NRXN3: variants seen among roughly 807,000 people sequenced by gnomAD.
NRXN3 encodes neurexin III.
Under a neutral mutation model 137.6 loss-of-function variants are expected in NRXN3, and 32 were observed. That is an observed-to-expected ratio of 0.23 (90% CI 0.18 to 0.31). The LOEUF (loss-of-function observed/expected upper bound fraction) is 0.31, where lower values mean the gene tolerates loss of function less well. NRXN3 is among the 10% of genes least tolerant of loss of function. The pLI, the probability that NRXN3 is intolerant of heterozygous loss-of-function variation, is 1.00. For synonymous variants in NRXN3, 798 were observed against 784.5 expected, an observed-to-expected ratio of 1.02 and a Z score of -0.29; for missense variants, 1,574 against 2,062.5, an observed-to-expected ratio of 0.76 and a Z score of 4.59.
At chr14:79,589,521 A>G (rs1032930490) in intron 16 of NRXN3, among the ~76,000 whole-genome samples, 8 of 142,298 alleles carry the variant, frequency 5.6e-5, no homozygotes, top group African/African-American at 2.2e-4. Flanking sequence ...AATAATGAAC[A>G]CTTAAGAGAG....
At chr14:78,627,875 G>A (rs1158229250) in intron 4 of NRXN3, among the ~76,000 whole-genome samples, 3 of 152,096 alleles carry the variant, frequency 2.0e-5, no homozygotes, top group Admixed American at 6.6e-5. Context: ...CTTGGACATG[G>A]CTATGAAAAC....
At chr14:79,318,802 C>T (rs1281811842) in intron 15 of NRXN3, among the ~76,000 whole-genome samples, 1 of 152,092 alleles carries the variant, frequency 6.6e-6, no homozygotes, top group Non-Finnish European at 1.5e-5. Context: ...TGATTATTCA[C>T]CAGGGAACAT....
At chr14:78,625,714 G>A (rs1469383635) in intron 4 of NRXN3, among the ~76,000 whole-genome samples, 1 of 152,216 alleles carries the variant, frequency 6.6e-6, no homozygotes, top group Non-Finnish European at 1.5e-5. Flanking sequence ...CACATCCTCA[G>A]AACTTCCCCA....
intron 15 of NRXN3, among the ~76,000 whole-genome samples, chr14:79,192,546 A>C (rs2064511110): frequency 6.6e-6 from 1 of 152,104 alleles, no homozygotes; most frequent in Admixed American, 6.5e-5. Flanking sequence ...TTAACCTCAA[A>C]TCCAGCACAG....
chr14:79,643,737 C>T (rs1468037545), intron 16 of NRXN3, among the ~76,000 whole-genome samples: 2 of 135,252 alleles, frequency 1.5e-5, no homozygotes, highest in African/African-American at 4.9e-5. Context: ...ATTTCCTCAA[C>T]CTTATTTCTG....
chr14:79,717,972 T>G (rs2098829382), intron 19 of NRXN3, among the ~76,000 whole-genome samples: 1 of 152,096 alleles, frequency 6.6e-6, no homozygotes, highest in Non-Finnish European at 1.5e-5. Flanking sequence ...GAGGCTGCAA[T>G]GAAAATACAA....
intron 19 of NRXN3, among the ~76,000 whole-genome samples, chr14:79,704,257 G>T (rs755780576): frequency 6.6e-6 from 1 of 152,162 alleles, no homozygotes; most frequent in African/African-American, 2.4e-5. Context: ...ACAGCATGTT[G>T]TTATCAATGG....
At chr14:78,697,572 G>A (rs550712563) in intron 6 of NRXN3, among the ~76,000 whole-genome samples, 2 of 151,976 alleles carry the variant, frequency 1.3e-5, no homozygotes, top group South Asian at 4.2e-4. Context: ...TGGTGATCTA[G>A]GTCTCTGCAG....
intron 15 of NRXN3, among the ~76,000 whole-genome samples, chr14:79,166,198 C>G (rs1178153198): frequency 6.6e-6 from 1 of 151,952 alleles, no homozygotes; most frequent in Non-Finnish European, 1.5e-5. Flanking sequence ...GCTAGGTGGT[C>G]TGAAATCTTC....
chr14:79,225,859 G>T (rs1415703899), intron 15 of NRXN3, among the ~76,000 whole-genome samples: 1 of 151,982 alleles, frequency 6.6e-6, no homozygotes, highest in East Asian at 1.9e-4. Context: ...AGGGCCATTG[G>T]CAGCTTCTAG....
chr14:78,513,749 A>G (rs889527642), intron 4 of NRXN3, among the ~76,000 whole-genome samples: 1 of 152,140 alleles, frequency 6.6e-6, no homozygotes, highest in African/African-American at 2.4e-5. Flanking sequence ...ACCAAACCCC[A>G]TCCCAAATAC....
chr14:79,241,354 C>G (rs768333553), intron 15 of NRXN3, among the ~76,000 whole-genome samples: 6 of 152,110 alleles, frequency 3.9e-5, no homozygotes, highest in Non-Finnish European at 7.4e-5. Flanking sequence ...GACTGGGTAA[C>G]TTATAAAGGA....
intron 15 of NRXN3, among the ~76,000 whole-genome samples, chr14:79,098,201 T>C (rs183091494): frequency 4.7e-4 from 71 of 152,290 alleles, no homozygotes; most frequent in Admixed American, 1.1e-3. Flanking sequence ...ATATACCCCG[T>C]CTTAGCCAAT....
At chr14:79,055,310 A>G (rs2152611000) in intron 15 of NRXN3, among the ~76,000 whole-genome samples, 1 of 152,354 alleles carries the variant, frequency 6.6e-6, no homozygotes, top group African/African-American at 2.4e-5. Context: ...GGATTGGGCA[A>G]GTGGCAGTAT....
At chr14:78,758,107 T>G (rs1320231748) in intron 8 of NRXN3, among the ~76,000 whole-genome samples, 1 of 152,164 alleles carries the variant, frequency 6.6e-6, no homozygotes, top group Non-Finnish European at 1.5e-5. Flanking sequence ...ATAAGGGCTG[T>G]GCAAAATGAA....
intron 19 of NRXN3, among the ~76,000 whole-genome samples, chr14:79,789,590 C>A (rs1347575213): frequency 3.3e-5 from 5 of 152,120 alleles, no homozygotes; most frequent in Admixed American, 6.6e-5. Flanking sequence ...CATGCCTCCC[C>A]TTTTTAGACC....
chr14:79,702,843 A>G (rs752311221), intron 19 of NRXN3, among the ~76,000 whole-genome samples: 4 of 151,288 alleles, frequency 2.6e-5, no homozygotes, highest in Non-Finnish European at 5.9e-5. Flanking sequence ...TCTACACTCA[A>G]ATTCGTTGGT....
intron 19 of NRXN3, among the ~76,000 whole-genome samples, chr14:79,747,263 A>T (rs950005860): frequency 6.6e-6 from 1 of 152,132 alleles, no homozygotes; most frequent in Non-Finnish European, 1.5e-5. Flanking sequence ...GCACTCTGCC[A>T]CTAGGATTTT....
At chr14:79,387,043 C>G (rs1179929430) in intron 15 of NRXN3, among the ~76,000 whole-genome samples, 3 of 152,052 alleles carry the variant, frequency 2.0e-5, no homozygotes, top group Non-Finnish European at 4.4e-5. Flanking sequence ...TAGGCATGGG[C>G]AAGGACTTCA....
Sources: allele counts gnomAD v4.1 joint callset (sites outside exome capture counted in the v4.1 genomes callset), GRCh38; gene constraint gnomAD v4.1.1; transcripts MANE v1.5; gene names NCBI Gene and HGNC (gene_info 2026-07-23, HGNC 2026-07-21).